Variants in HEATR4 observed in about 807,000 individuals in gnomAD.
HEATR4 encodes the protein HEAT repeat containing 4.
A neutral mutation model predicts 108.8 loss-of-function variants in HEATR4; 95 were observed. That is an observed-to-expected ratio of 0.87 (90% CI 0.74 to 1.04). The LOEUF is 1.04. HEATR4 is among the 50% of genes least tolerant of loss of function. The probability of loss-of-function intolerance (pLI) is 0.00; values close to 1 mark genes in which losing one functional copy is unlikely to be tolerated. For missense variants in HEATR4, 1,152 were observed against 1,253.8 expected, an observed-to-expected ratio of 0.92 and a Z score of 1.23; for synonymous variants, 443 against 459.4, an observed-to-expected ratio of 0.96 and a Z score of 0.46.
chr14:73,543,097 G>C (rs1889148153), intron 1 of HEATR4: 1 of 1,584,032 alleles, frequency 6.3e-7, no homozygotes, highest in South Asian at 1.1e-5. Context: ...AAGGGGGTGA[G>C]CTCTGCCTTT....
chr14:73,489,177 A>G (rs1885569897), intron 17 of HEATR4, among the ~76,000 whole-genome samples: 2 of 152,146 alleles, frequency 1.3e-5, no homozygotes, highest in Non-Finnish European at 2.9e-5. Context: ...AGTATTGTAG[A>G]ATGTTTAGTA....
chr14:73,499,143 G>GTTGAGTGGAAT lies in HEATR4; in HGVS notation c.2287-4_2287-3insATTCCACTCAA. ...AGGTTCAGGAGGCATTCAAGCACCT[G>GTTGAGTGGAAT]GGATGGAAAAGGCAGTGTTGAGTGG... is the stretch of plus-strand genomic sequence containing the variant. On this transcript the variant is annotated splice_polypyrimidine_tract_variant and splice_region_variant and intron_variant, in intron 12 of 17. Coordinates refer to ENST00000553558, the MANE Select transcript of HEATR4 (RefSeq NM_001220484.1). 1 of 1,613,936 alleles carries GTTGAGTGGAAT rather than the reference G, an allele frequency of 6.2e-7. No individual in the cohort carries two copies. Among genetic ancestry groups the GTTGAGTGGAAT allele is most frequent in the Non-Finnish European group, 8.5e-7 (1 of 1,179,824 alleles).
rs1174340208 is a variant in HEATR4, at chr14:73,522,271, C to T, written c.881+1G>A. On this transcript the variant is annotated splice_donor_variant, in intron 3 of 17. Transcript: ENST00000553558. LOFTEE classifies it high-confidence loss of function. ...TGCACTTGAGGCCCTGGCCAGTATA[C>T]CTGTAGTAAACGGGAAGCAGCAGTT... The T allele has an allele frequency of 6.2e-7, 1 of 1,613,142 alleles. No individual in the cohort carries two copies. Among genetic ancestry groups the T allele is most frequent in the African/African-American group, 1.3e-5 (1 of 74,870 alleles).
chr14:73,575,592 T>C, the HEATR4 span: 1 of 1,569,420 alleles, frequency 6.4e-7, no homozygotes, highest in Non-Finnish European at 8.6e-7. Context: ...GTATGTGTAT[T>C]CATTCTTTTG....
Position 73,522,346 on chromosome 14 carries a change from C to T in HEATR4, c.807G>A (p.Glu269=), listed in dbSNP as rs1888023308. The stretch of plus-strand genomic sequence containing the variant: ...GCAGGATGACACTTTGATCCTCAAA[C>T]TCTGCTGTCTCTTCTGCCTCCAGCT... ...LKQLEAEETA[E]FEDQSVILPP... is the part of the protein sequence containing the mutation. The change falls in exon 3 of 18, where the codon GAG becomes GAA. Residue 269 remains glutamate, a synonymous_variant. Coordinates refer to ENST00000553558, the MANE Select transcript of HEATR4 (RefSeq NM_001220484.1). 1.2e-6 allele frequency: 2 copies of T among 1,614,122 alleles called. No individual in the cohort carries two copies. The highest frequency in any genetic ancestry group is 1.7e-5 in the Admixed American group (1 of 60,010).
the HEATR4 span, chr14:73,569,907 C>A: frequency 3.8e-6 from 6 of 1,595,100 alleles, no homozygotes; most frequent in Admixed American, 6.9e-5. Context: ...GCTAATTGTT[C>A]CGTGTTCGTT....
the HEATR4 span, among the ~76,000 whole-genome samples, chr14:73,589,882 C>T: frequency 7.9e-5 from 12 of 152,096 alleles, no homozygotes; most frequent in South Asian, 2.1e-4. Context: ...AGTGAAGCTG[C>T]AAACCTTTGC....
intron 3 of HEATR4, among the ~76,000 whole-genome samples, chr14:73,521,249 G>T (rs1203356824): frequency 6.6e-6 from 1 of 152,080 alleles, no homozygotes; most frequent in Non-Finnish European, 1.5e-5. Flanking sequence ...CAGCTGTCCT[G>T]CCTGGCTACT....
the HEATR4 span, chr14:73,580,936 T>G: frequency 6.6e-6 from 1 of 152,094 alleles, no homozygotes; most frequent in Admixed American, 6.6e-5. Context: ...AAAAAAAGTC[T>G]TAAGGTTTGA....
chr14:73,564,937 G>A, the HEATR4 span, among the ~76,000 whole-genome samples: 3 of 151,630 alleles, frequency 2.0e-5, no homozygotes, highest in Non-Finnish European at 2.9e-5. Flanking sequence ...TATTTATACT[G>A]TTCTCTAACC....
chr14:73,484,379 G>A (rs754350200), intron 17 of HEATR4, among the ~76,000 whole-genome samples: 5 of 151,898 alleles, frequency 3.3e-5, no homozygotes, highest in Non-Finnish European at 7.4e-5. Context: ...TTTTTTGTTT[G>A]TTTGTTTGTT....
At chr14:73,479,168 T>G (rs900391195) in intron 17 of HEATR4, among the ~76,000 whole-genome samples, 1 of 151,152 alleles carries the variant, frequency 6.6e-6, no homozygotes, top group African/African-American at 2.5e-5. Context: ...CAGGCTGGAG[T>G]GCAGTGGCGC....
At chr14:73,607,941 T>C in the HEATR4 span, among the ~76,000 whole-genome samples, 2 of 150,922 alleles carry the variant, frequency 1.3e-5, no homozygotes, top group East Asian at 3.9e-4. Context: ...CTTTTTTCTT[T>C]TGAGATAGAG....
chr14:73,611,932 T>G, the HEATR4 span, among the ~76,000 whole-genome samples: 2 of 152,146 alleles, frequency 1.3e-5, no homozygotes, highest in Non-Finnish European at 2.9e-5. Context: ...TGGGATGCTT[T>G]TTCAAAATCT....
the HEATR4 span, among the ~76,000 whole-genome samples, chr14:73,633,054 G>C: frequency 7.0e-6 from 1 of 143,554 alleles, no homozygotes; most frequent in Non-Finnish European, 1.5e-5. Flanking sequence ...CCCCAAGCTG[G>C]AGTGCAATGG....
chr14:73,610,482 G>T, the HEATR4 span, among the ~76,000 whole-genome samples: 22,522 of 151,802 alleles, frequency 0.15, 2,216 homozygotes, highest in Non-Finnish European at 0.22. Context: ...GTAGAGACAG[G>T]GTTTCACCAT....
At chr14:73,619,397 T>C in the HEATR4 span, 2 of 1,614,176 alleles carry the variant, frequency 1.2e-6, no homozygotes, top group Non-Finnish European at 1.7e-6. Flanking sequence ...ATTCCTAAAC[T>C]TGTCGATGAT....
Position 73,537,622 on chromosome 14 carries a change from G to T in HEATR4, c.-151-7378C>A, listed in dbSNP as rs771146465. On this transcript the variant is annotated intron_variant, in intron 1 of 17. Transcript: ENST00000553558. ...AGCTGGACCTGGAGCGCGCGCCCGC[G>T]CTGGGCGGCAGCTTCGCGGGGCTTG... is the stretch of plus-strand genomic sequence containing the variant. 14 of 1,219,842 alleles carry T rather than the reference G, an allele frequency of 1.1e-5. 3 individuals are homozygous for T. In the African/African-American group the frequency reaches 2.2e-4, roughly 19 times the overall value. The allele number at this position is 1,219,842 out of a possible 1,614,324, so 75.6% of individuals were successfully genotyped here.
chr14:73,578,388 C>G, the HEATR4 span, among the ~76,000 whole-genome samples: 2 of 151,874 alleles, frequency 1.3e-5, no homozygotes, highest in South Asian at 2.1e-4. Context: ...TGCCACCATG[C>G]CCAGCTAATT....
Sources: allele counts gnomAD v4.1 joint callset (sites outside exome capture counted in the v4.1 genomes callset), GRCh38; gene constraint gnomAD v4.1.1; transcripts MANE v1.5; gene names NCBI Gene and HGNC (gene_info 2026-07-23, HGNC 2026-07-21).